The following ARAP3 variants were observed in gnomAD, a reference collection of about 807,000 sequenced individuals.
The protein encoded by ARAP3 is ArfGAP with RhoGAP domain, ankyrin repeat and PH domain 3, also known as arf-GAP with Rho-GAP domain, ANK repeat and PH domain-containing protein 3.
Under a neutral mutation model 169.2 loss-of-function variants are expected in ARAP3, and 82 were observed. That is an observed-to-expected ratio of 0.48 (90% CI 0.41 to 0.58). ARAP3 has a LOEUF of 0.58. ARAP3 is among the 20% of genes least tolerant of loss of function. The pLI, the probability that ARAP3 is intolerant of heterozygous loss-of-function variation, is 0.00. For missense variants in ARAP3, 1,764 were observed against 2,018.0 expected (o/e 0.87, Z 2.41); for synonymous variants, 791 against 800.3 (o/e 0.99, Z 0.20).
intron 13 of ARAP3, 64 bp from the exon 14 acceptor site, chr5:141,670,692 G>A: frequency 7.2e-7 from 1 of 1,393,192 alleles, no homozygotes; most frequent in Non-Finnish European, 1.0e-6. Context: ...ACCCCCTCTG[G>A]GGAAGGGATG....
intron 19 of ARAP3, among the ~76,000 whole-genome samples, chr5:141,663,664 G>A (rs1254467864): frequency 6.6e-6 from 1 of 152,228 alleles, no homozygotes; most frequent in African/African-American, 2.4e-5. Context: ...AGGCTGAGAA[G>A]AGGATAAGGA....
rs570650331 is a variant in ARAP3 at position 141,660,627 on chromosome 5, A to C, written c.3120-701T>G. On this transcript the variant is annotated intron_variant, in intron 21 of 32. Transcript: ENST00000239440. ...TGTAGTTGACCAATCCCTATAATAT[A>C]GTATATTTTTATTATTTATTTATTT... 6.4e-4 allele frequency among the ~76,000 whole-genome samples: 98 copies of C among 152,090 alleles called. 1 individual carries two copies. The highest frequency in any genetic ancestry group is 2.2e-3 in the African/African-American group (91 of 41,530).
intron 17 of ARAP3, among the ~76,000 whole-genome samples, chr5:141,666,140 C>T (rs1243158498): frequency 6.6e-6 from 1 of 151,910 alleles, no homozygotes; most frequent in Admixed American, 6.6e-5. Context: ...AGATGCATTA[C>T]CCTATTTGAA....
intron 21 of ARAP3, among the ~76,000 whole-genome samples, chr5:141,661,356 C>T (rs981607409): frequency 3.1e-4 from 47 of 152,332 alleles, no homozygotes; most frequent in African/African-American, 1.0e-3. Context: ...AGACACCACG[C>T]GCCCAGCCTT....
chr5:141,678,656 T>C (rs2099912537), intron 4 of ARAP3, among the ~76,000 whole-genome samples: 1 of 151,732 alleles, frequency 6.6e-6, no homozygotes, highest in African/African-American at 2.4e-5. Flanking sequence ...CCTGGCTAAT[T>C]TTTGTATTTT....
chr5:141,671,573 G>A lies in ARAP3; in HGVS notation c.1851C>T (p.Leu617=). Reference sequence around the variant, plus strand: ...ACCCCTGCTCTGTCCCTCCTACCTGGAGAAGCTGGCTATGATCTGGGTACT... The same window carrying A: ...ACCCCTGCTCTGTCCCTCCTACCTGAAGAAGCTGGCTATGATCTGGGTACT... ...HPQYPDHSQL[L]QALCAAVARP... Residue 617 remains leucine (L), a synonymous_variant, in exon 12 of 33, where the codon CTC becomes CTT. Coordinates refer to ENST00000239440, the MANE Select transcript of ARAP3 (RefSeq NM_022481.6). This position sits in a 1 kb window ranked among gnomAD's most constrained non-coding sequence, Gnocchi z 4.9. 2 of 1,613,952 alleles carry A rather than the reference G, an allele frequency of 1.2e-6. No homozygotes were observed. Among genetic ancestry groups the A allele is most frequent in the African/African-American group, 1.3e-5 (1 of 75,042 alleles).
chr5:141,658,447 A>G lies in ARAP3; in HGVS notation c.3444T>C (p.Thr1148=). 6.2e-7 allele frequency: 1 copy of G among 1,614,166 alleles called. No homozygotes were observed. Among genetic ancestry groups the G allele is most frequent in the Non-Finnish European group, 8.5e-7 (1 of 1,180,024 alleles). Residue 1148 remains threonine (T), a synonymous_variant, in exon 25 of 33, where the codon ACT becomes ACC. Coordinates refer to ENST00000239440, the MANE Select transcript of ARAP3 (RefSeq NM_022481.6). ...TCCCCCGCATCTCCAGTACCTGGTT[A>G]GTCAGCTCCTCAGCAGTCAGGGTTG... ...VSPTLTAEEL[T]NQVLEMRGTA...
intron 19 of ARAP3, among the ~76,000 whole-genome samples, chr5:141,663,816 C>A (rs1035385321): frequency 6.6e-6 from 1 of 152,164 alleles, no homozygotes; most frequent in Non-Finnish European, 1.5e-5. Flanking sequence ...TACAGTCAGC[C>A]CTCTGTATCC....
chr5:141,659,344 G>T, intron 23 of ARAP3, 64 bp downstream of exon 23: 1 of 1,509,076 alleles, frequency 6.6e-7, no homozygotes, highest in Non-Finnish European at 9.2e-7. Context: ...TGGGCAGAAA[G>T]TCAGCTTCCT....
chr5:141,671,238 G>T lies in ARAP3; in HGVS notation c.1990+27C>A, dbSNP rs201300990. The T allele has an allele frequency of 6.4e-6, 10 of 1,573,560 alleles. No homozygotes were observed. The highest frequency in any genetic ancestry group is 1.4e-5 in the African/African-American group (1 of 73,620). On this transcript the variant is annotated intron_variant, in intron 13 of 32. Coordinates refer to ENST00000239440, the MANE Select transcript of ARAP3 (RefSeq NM_022481.6). The surrounding 1 kb of genome is among the most constrained non-coding windows in gnomAD (Gnocchi z 4.9). ...GTTGGGTCTGAGAATTCCTGTAGGGGAGAGAGGAGGCACTTGGGGGAATGA... is the reference window on the plus strand; with the variant it reads ...GTTGGGTCTGAGAATTCCTGTAGGGTAGAGAGGAGGCACTTGGGGGAATGA...
At position 141,672,975 on chromosome 5, in the gene ARAP3, C is replaced by CT. The variant is rs5871781; in HGVS notation, c.1093+37dup. 0.044 allele frequency: 71,804 copies of CT among 1,613,702 alleles called. 1,733 individuals are homozygous for CT. Among genetic ancestry groups the CT allele is most frequent in the Non-Finnish European group, 0.046 (53,702 of 1,179,718 alleles). ...AGTGGCTGTTGCTCACACAGCCTCC[C>CT]TCCCTCCTGCCCTGACTCAGGGGGC... On this transcript the variant is annotated intron_variant, in intron 7 of 32. Transcript: ENST00000239440. This position sits in a 1 kb window ranked among gnomAD's most constrained non-coding sequence, Gnocchi z 4.9.
chr5:141,655,232 A>ACACACC (rs2099909094), intron 32 of ARAP3, 130 bp downstream of exon 32: 1 of 787,716 alleles, frequency 1.3e-6, no homozygotes, highest in African/African-American at 2.0e-5. Flanking sequence ...GCCTACACAC[A>ACACACC]CACACACACA....
chr5:141,670,592 C>G lies in ARAP3; in HGVS notation c.2027G>C (p.Arg676Pro), dbSNP rs374649374. 4.3e-6 allele frequency: 7 copies of G among 1,614,098 alleles called. No individual in the cohort carries two copies. In the East Asian group the frequency reaches 1.3e-4, roughly 31 times the overall value. ...GTACAGGAAGCCGCTGTAAGTAGCACGCACCACCACCTCATTGTACACACC... is the reference window on the plus strand; with the variant it reads ...GTACAGGAAGCCGCTGTAAGTAGCAGGCACCACCACCTCATTGTACACACC... ...SPGVYNEVVV[R>P]ATYSGFLYCS... The change falls in exon 14 of 33, where the codon CGT becomes CCT. Residue 676 changes from arginine (R) to proline (P), a missense_variant. Arg to Pro is a moderately radical substitution (Grantham distance 103). This residue lies in a region of ARAP3 where 1,112 missense variants were observed against 1,285.7 expected (regional missense o/e 0.86). Transcript: ENST00000239440.
Position 141,671,391 on chromosome 5 carries a change from C to T in ARAP3, c.1864G>A (p.Ala622Thr). 6.2e-7 allele frequency: 1 copy of T among 1,610,872 alleles called. No individual in the cohort carries two copies. Among genetic ancestry groups the T allele is most frequent in the Non-Finnish European group, 8.5e-7 (1 of 1,178,410 alleles). The change falls in exon 13 of 33, where the codon GCA (alanine) becomes ACA (threonine). Residue 622 changes from alanine to threonine, a missense_variant. Ala to Thr is a moderately conservative substitution (Grantham distance 58). This residue lies in a region of ARAP3 where 1,112 missense variants were observed against 1,285.7 expected (regional missense o/e 0.86). Coordinates refer to ENST00000239440, the MANE Select transcript of ARAP3 (RefSeq NM_022481.6). The surrounding 1 kb of genome is among the most constrained non-coding windows in gnomAD (Gnocchi z 4.9). ...AGCAGGTTGGGTCTTGCCACAGCTGCACACAGTGCCTGCAGGGAGGGAAGG... is the reference window on the plus strand; with the variant it reads ...AGCAGGTTGGGTCTTGCCACAGCTGTACACAGTGCCTGCAGGGAGGGAAGG... ...DHSQLLQALCAAVARPNLLKN... is the reference protein window; with the variant it reads ...DHSQLLQALCTAVARPNLLKN...
intron 6 of ARAP3, 58 bp downstream of exon 6, chr5:141,673,343 C>A (rs1169106070): frequency 1.2e-6 from 2 of 1,605,668 alleles, no homozygotes; most frequent in African/African-American, 1.3e-5. Flanking sequence ...CAATTCTGAG[C>A]CCCTCTCAGC....
intron 21 of ARAP3, among the ~76,000 whole-genome samples, chr5:141,660,321 T>C (rs1299770337): frequency 6.6e-6 from 1 of 151,654 alleles, no homozygotes; most frequent in Admixed American, 6.6e-5. Flanking sequence ...TGAAACCCCG[T>C]CTCTACTAAA....
intron 1 of ARAP3, among the ~76,000 whole-genome samples, chr5:141,681,841 C>T (rs1426883006): frequency 6.6e-6 from 1 of 152,130 alleles, no homozygotes; most frequent in Non-Finnish European, 1.5e-5. Flanking sequence ...ATTCCCAAGC[C>T]AGGGCCCGCG....
In ARAP3 at chr5:141,679,769, G is replaced by A. The variant is rs2099912722; in HGVS notation, c.578C>T (p.Thr193Ile). 1 of 1,614,012 alleles carries A rather than the reference G, an allele frequency of 6.2e-7. No individual in the cohort carries two copies. Among genetic ancestry groups the A allele is most frequent in the African/African-American group, 1.3e-5 (1 of 74,926 alleles). ...CGTGATAACCCAGTTACCTGTGCCT[G>A]TTGTGGGCCTGAGGGCAGGGGTGGG... is the stretch of plus-strand genomic sequence containing the variant. The part of the protein sequence containing the change: ...SAPTPALRPT[T>I]GTVHIMDPGC... Residue 193 changes from threonine to isoleucine, a missense_variant, in exon 3 of 33, where the codon ACA becomes ATA. Physicochemically the swap from Thr to Ile is moderately conservative, Grantham distance 89. Coordinates refer to ENST00000239440, the MANE Select transcript of ARAP3 (RefSeq NM_022481.6).
In ARAP3 at chr5:141,672,785, C is replaced by A. The variant is rs149030865; in HGVS notation, c.1234G>T (p.Ala412Ser). 5 of 1,456,640 alleles carry A rather than the reference C, an allele frequency of 3.4e-6. No individual in the cohort carries two copies. Among genetic ancestry groups the A allele is most frequent in the Non-Finnish European group, 4.6e-6 (5 of 1,081,356 alleles). 90.2% of individuals were successfully genotyped at this position (1,456,640 alleles called of 1,614,324 possible). A position where few individuals can be genotyped will look rare whatever the true frequency, so the allele number is the denominator to read the frequency against. ...GCCAGCTCTCCAGGGCTCAAGGCAGCAAACACCTTGGCCTTGTGTCCACGC... is the reference window on the plus strand; with the variant it reads ...GCCAGCTCTCCAGGGCTCAAGGCAGAAAACACCTTGGCCTTGTGTCCACGC... ...ELRGHKAKVF[A>S]ALSPGELALY... Residue 412 changes from alanine to serine, a missense_variant, in exon 8 of 33, where the codon GCT becomes TCT. Physicochemically the swap from Ala to Ser is moderately conservative, Grantham distance 99. This residue lies in a region of ARAP3 where 630 missense variants were observed against 678.7 expected (regional missense o/e 0.93). Transcript: ENST00000239440. The surrounding 1 kb of genome is among the most constrained non-coding windows in gnomAD (Gnocchi z 4.9).
Sources: allele counts gnomAD v4.1 joint callset (sites outside exome capture counted in the v4.1 genomes callset), GRCh38; gene constraint gnomAD v4.1.1; regional missense constraint gnomAD v4.1.1; non-coding constraint Gnocchi (gnomAD v3.1); transcripts MANE v1.5; gene names NCBI Gene and HGNC (gene_info 2026-07-23, HGNC 2026-07-21).